The following TEAD2 variants were observed in gnomAD, a reference collection of about 807,000 sequenced individuals.
TEAD2 encodes TEA domain transcription factor 2, also known as transcriptional enhancer factor TEF-4.
A neutral mutation model predicts 61.4 loss-of-function variants in TEAD2; 51 were observed. The observed-to-expected ratio is 0.83, with a 90% confidence interval of 0.66 to 1.05. TEAD2 has a LOEUF of 1.05. Ranked by LOEUF, TEAD2 falls within the 50% of genes least tolerant of loss-of-function variation. The pLI is 0.00. For synonymous variants in TEAD2, 244 were observed against 243.2 expected (o/e 1.00, Z -0.03); for missense variants, 509 against 600.0 (o/e 0.85, Z 1.58).
intron 3 of TEAD2, among the ~76,000 whole-genome samples, chr19:49,358,060 CTA>C (rs1475303426): frequency 6.6e-6 from 1 of 151,922 alleles, no homozygotes; most frequent in African/African-American, 2.4e-5. Flanking sequence ...TGGCGATACC[CTA>C]CTTCTACTAA....
intron 3 of TEAD2, among the ~76,000 whole-genome samples, chr19:49,357,950 T>G (rs1018308085): frequency 1.3e-5 from 2 of 151,930 alleles, no homozygotes; most frequent in African/African-American, 4.8e-5. Flanking sequence ...ACACAAAAAT[T>G]AGGGCTGGGC....
chr19:49,357,761 A>T, intron 3 of TEAD2: 1 of 204,556 alleles, frequency 4.9e-6, no homozygotes, highest in South Asian at 9.7e-5. Context: ...GCTTTGCACC[A>T]TCTCCTTGAT....
chr19:49,345,742 G>C (rs1450562557), intron 10 of TEAD2, among the ~76,000 whole-genome samples: 1 of 152,074 alleles, frequency 6.6e-6, no homozygotes, highest in Non-Finnish European at 1.5e-5. Context: ...CATTTATTGA[G>C]CCCAGGCCAG....
At chr19:49,349,959 C>T (rs1168049024) in intron 8 of TEAD2, among the ~76,000 whole-genome samples, 1 of 152,194 alleles carries the variant, frequency 6.6e-6, no homozygotes, top group Admixed American at 6.5e-5. Flanking sequence ...CACCTCCAGG[C>T]TTTTTGTTGC....
chr19:49,348,009 G>A (rs1301634560), intron 9 of TEAD2, among the ~76,000 whole-genome samples: 1 of 152,200 alleles, frequency 6.6e-6, no homozygotes. Flanking sequence ...GACCAGGCCT[G>A]AGAGTCGACA....
rs150963212 is a variant in TEAD2, at chr19:49,359,963, C to A, written c.113G>T (p.Gly38Val). Residue 38 changes from glycine (G) to valine (V), a missense_variant, in exon 2 of 13, where the codon GGC (glycine) becomes GTC (valine). Coordinates refer to ENST00000593945, the MANE Select transcript of TEAD2 (RefSeq NM_001256660.2). This position sits in a 1 kb window ranked among gnomAD's most constrained non-coding sequence, Gnocchi z 4.1. ...GCTCCACACCCCCTCTGCATCCGGG[C>A]CCCCGTCACCCCCAGCCCCCTCACT... ...GGSEGAGGDG[G>V]PDAEGVWSPD... 33 of 1,610,232 alleles carry A rather than the reference C, an allele frequency of 2.0e-5. No individual in the cohort carries two copies. Among genetic ancestry groups the A allele is most frequent in the African/African-American group, 4.0e-5 (3 of 74,926 alleles).
intron 5 of TEAD2, 95 bp downstream of exon 5, chr19:49,355,864 G>T: frequency 8.7e-7 from 1 of 1,153,304 alleles, no homozygotes; most frequent in Non-Finnish European, 1.1e-6. Context: ...GGTTGGGGGA[G>T]GGTTGAACCT....
intron 10 of TEAD2, 80 bp from the exon 11 acceptor site, chr19:49,343,478 A>C (rs886288356): frequency 1.2e-5 from 18 of 1,475,252 alleles, no homozygotes; most frequent in Non-Finnish European, 1.4e-5. Context: ...AGTGGTTCAC[A>C]CCTGTAATCC....
Position 49,347,333 on chromosome 19 carries a change from G to A in TEAD2, c.778C>T (p.Gln260Ter), listed in dbSNP as rs1971718408. ...YQRHLFVHIS[Q>*]HCPSPGAPPL... ...GGCGCTCCGGGGCTGGGGCAGTGCT[G>A]GCTGATGTGCACGAACAGGTGCCTC... is the stretch of plus-strand genomic sequence containing the variant. Residue 260 changes from glutamine to a stop codon, truncating the protein, a stop_gained, in exon 10 of 13, where the codon CAG becomes TAG. Transcript: ENST00000593945. LOFTEE classifies it high-confidence loss of function. The A allele has an allele frequency of 6.2e-7, 1 of 1,612,000 alleles. No individual in the cohort carries two copies. The highest frequency in any genetic ancestry group is 1.3e-5 in the African/African-American group (1 of 74,904).
At chr19:49,360,762 CAGAGACCCAGAG>C (rs1972802894) in intron 1 of TEAD2, among the ~76,000 whole-genome samples, 1 of 70,196 alleles carries the variant, frequency 1.4e-5, no homozygotes, top group Non-Finnish European at 2.6e-5. Context: ...GGGAGGGGGA[CAGAGACCCAGAG>C]AGGGGATGGG....
chr19:49,356,163 C>A (rs1173850657), intron 4 of TEAD2, 193 bp from the exon 5 acceptor site: 2 of 401,198 alleles, frequency 5.0e-6, no homozygotes, highest in African/African-American at 2.1e-5. Flanking sequence ...GGGCTCCCTG[C>A]CCAGAAAGAC....
In TEAD2 at chr19:49,341,831, A is replaced by T. The variant is rs1309228548; in HGVS notation, c.1243-394T>A. Among the ~76,000 whole-genome samples, 1 of 152,130 alleles carries T rather than the reference A, an allele frequency of 6.6e-6. No homozygotes were observed. The highest frequency in any genetic ancestry group is 1.9e-4 in the East Asian group (1 of 5,168). ...TCCCACCATATCATGTTCCTTGACA[A>T]GCTGAGGATCTGCCTTCGAGTGCCC... is the stretch of plus-strand genomic sequence containing the variant. On this transcript the variant is annotated intron_variant, in intron 12 of 12. Coordinates refer to ENST00000593945, the MANE Select transcript of TEAD2 (RefSeq NM_001256660.2). The surrounding 1 kb of genome is among the most constrained non-coding windows in gnomAD (Gnocchi z 4.2).
rs553489773 is a variant in TEAD2 at position 49,343,374 on chromosome 19, C to T, written c.946G>A (p.Gly316Ser). Residue 316 changes from glycine (G) to serine (S), a missense_variant, in exon 11 of 13, where the codon GGT becomes AGT. Physicochemically the swap from Gly to Ser is moderately conservative, Grantham distance 56. Transcript: ENST00000593945. ...FWADLNWGPS[G>S]EEAGAGGSIS... ...CTGCCACCGGCCCCTGCCTCCTCAC[C>T]ACTTGGGCCCCAGTTCAGGTCCGCC... 21 of 1,611,294 alleles carry T rather than the reference C, an allele frequency of 1.3e-5. No individual in the cohort carries two copies. In the African/African-American group the frequency reaches 1.7e-4, roughly 13 times the overall value.
rs1249721707 is a variant in TEAD2 at position 49,341,617 on chromosome 19, T to TG, written c.1243-181dup. On this transcript the variant is annotated intron_variant, in intron 12 of 12. Transcript: ENST00000593945. This position sits in a 1 kb window ranked among gnomAD's most constrained non-coding sequence, Gnocchi z 4.2. ...GCCCAAAAGTCAGTTCCCTGGGCAATGGGGGTTACCCCTCAGCTGAGCGTT... is the reference window on the plus strand; with the variant it reads ...GCCCAAAAGTCAGTTCCCTGGGCAATGGGGGGTTACCCCTCAGCTGAGCGTT... Among the ~76,000 whole-genome samples, 1 of 152,074 alleles carries TG rather than the reference T, an allele frequency of 6.6e-6. No individual in the cohort carries two copies. The highest frequency in any genetic ancestry group is 1.5e-5 in the Non-Finnish European group (1 of 67,998).
At chr19:49,356,202 C>G (rs2146558483) in intron 4 of TEAD2, 1 of 383,252 alleles carries the variant, frequency 2.6e-6, no homozygotes, top group East Asian at 3.7e-5. Context: ...AACAAGGAAA[C>G]CCAGAAGGTT....
Position 49,347,236 on chromosome 19 carries a change from A to G in TEAD2, c.875T>C (p.Leu292Pro). 2 of 1,614,146 alleles carry G rather than the reference A, an allele frequency of 1.2e-6. No individual in the cohort carries two copies. The highest frequency in any genetic ancestry group is 1.7e-6 in the Non-Finnish European group (2 of 1,180,028). The change falls in exon 10 of 13, where the codon CTA becomes CCA. Residue 292 changes from leucine (L) to proline (P), a missense_variant. By Grantham distance (98) the Leu-to-Pro change is moderately conservative. Coordinates refer to ENST00000593945, the MANE Select transcript of TEAD2 (RefSeq NM_001256660.2). ...GGCATGGGGGGGGCCACGATCATAT[A>G]GCTCTCGGAGGCCACCCTTTTTCTC... ...FPEKKGGLRE[L>P]YDRGPPHAFF...
chr19:49,351,279 A>G (rs1972005538), intron 8 of TEAD2, 22 bp downstream of exon 8: 1 of 1,607,264 alleles, frequency 6.2e-7, no homozygotes, highest in Non-Finnish European at 8.5e-7. Flanking sequence ...GAGACAAGGG[A>G]GGGTGGAGCG....
At chr19:49,342,326 A>T (rs1456664128) in intron 12 of TEAD2, 112 bp downstream of exon 12, 7 of 1,381,940 alleles carry the variant, frequency 5.1e-6, no homozygotes, top group Admixed American at 2.0e-5. Flanking sequence ...CTCACTTTGG[A>T]GTCCCTGCTG....
intron 10 of TEAD2, among the ~76,000 whole-genome samples, chr19:49,345,509 C>G (rs556275765): frequency 1.1e-4 from 16 of 152,058 alleles, no homozygotes; most frequent in Non-Finnish European, 1.5e-4. Context: ...CGCACCACCA[C>G]ACCCAGCTAA....
Sources: allele counts gnomAD v4.1 joint callset (sites outside exome capture counted in the v4.1 genomes callset), GRCh38; gene constraint gnomAD v4.1.1; non-coding constraint Gnocchi (gnomAD v3.1); transcripts MANE v1.5; gene names NCBI Gene and HGNC (gene_info 2026-07-23, HGNC 2026-07-21).